VPS50: variants seen among roughly 807,000 people sequenced by gnomAD.
VPS50 encodes syndetin.
In VPS50, 70 loss-of-function variants were observed where a neutral mutation model predicts 139.7. The observed-to-expected ratio is 0.50, with a 90% CI of 0.41 to 0.61. VPS50 has a LOEUF of 0.61. VPS50 is among the 20% of genes least tolerant of loss of function. The pLI is 0.00. For synonymous variants in VPS50, 365 were observed against 376.7 expected, an observed-to-expected ratio of 0.97 and a Z score of 0.36; for missense variants, 921 against 1,133.7, an observed-to-expected ratio of 0.81 and a Z score of 2.69.
chr7:93,315,875 T>C (rs1294824734), intron 20 of VPS50, among the ~76,000 whole-genome samples: 9 of 151,708 alleles, frequency 5.9e-5, no homozygotes, highest in Non-Finnish European at 1.3e-4. Flanking sequence ...TGTTTCTGGC[T>C]AGCTGTTGGA....
At chr7:93,315,357 A>G (rs1797395139) in intron 20 of VPS50, among the ~76,000 whole-genome samples, 1 of 152,222 alleles carries the variant, frequency 6.6e-6, no homozygotes, top group Non-Finnish European at 1.5e-5. Context: ...CACAGCAAGT[A>G]TCCTTGAAGA....
At chr7:93,338,160 A>C (rs974416393) in intron 22 of VPS50, among the ~76,000 whole-genome samples, 5 of 152,186 alleles carry the variant, frequency 3.3e-5, no homozygotes, top group Admixed American at 6.5e-5. Flanking sequence ...TATTGGAAGC[A>C]GACAGAAAAC....
chr7:93,311,210 G>C lies in VPS50; in HGVS notation c.1793G>C (p.Ser598Thr), dbSNP rs1211263429. ...AAAAGCAGGAAGAAATCAGATTACA[G>C]TCTAAATAAAGTGAATGCACCTATC... is the stretch of plus-strand genomic sequence containing the variant. Reference protein sequence around the residue: ...TLKSRKKSDYSLNKVNAPILT... With the variant: ...TLKSRKKSDYTLNKVNAPILT... The change falls in exon 20 of 28, where the codon AGT becomes ACT. Residue 598 changes from serine to threonine, a missense_variant. This residue lies in a region of VPS50 where 744 missense variants were observed against 930.6 expected (regional missense o/e 0.80). Transcript: ENST00000305866. The C allele has an allele frequency of 7.0e-7, 1 of 1,438,552 alleles. No homozygotes were observed. Among genetic ancestry groups the C allele is most frequent in the Non-Finnish European group, 9.8e-7 (1 of 1,020,564 alleles). 89.1% of individuals were successfully genotyped at this position (1,438,552 alleles called of 1,614,324 possible).
At chr7:93,356,176 A>C (rs1489574460) in intron 27 of VPS50, 96 bp downstream of exon 27, 1 of 612,218 alleles carries the variant, frequency 1.6e-6, no homozygotes, top group Non-Finnish European at 2.7e-6. Context: ...TGAGAGTGAA[A>C]TATAAAGAAA....
chr7:93,330,755 C>A lies in VPS50; in HGVS notation c.1978-3362C>A, dbSNP rs1231463385. 2.3e-4 allele frequency among the ~76,000 whole-genome samples: 14 copies of A among 60,638 alleles called. No individual in the cohort carries two copies. In the Admixed American group the frequency reaches 4.3e-3, roughly 18 times the overall value. The allele number at this position is 60,638 out of a possible 152,430, so 39.8% of individuals were successfully genotyped here. A position where few individuals can be genotyped will look rare whatever the true frequency, so the allele number is the denominator to read the frequency against. On this transcript the variant is annotated intron_variant, in intron 21 of 27. Transcript: ENST00000305866. ...GGCAACTGGGCAACAGAGCGAGACC[C>A]TGTCTCAAAAAAAAAAAAAAAAAAA...
intron 9 of VPS50, among the ~76,000 whole-genome samples, chr7:93,260,421 T>C (rs922594457): frequency 2.0e-5 from 3 of 152,188 alleles, no homozygotes; most frequent in Non-Finnish European, 4.4e-5. Context: ...TTGTCTCTCC[T>C]ATATGGAAAT....
chr7:93,296,887 A>T (rs1796826875), intron 15 of VPS50, 51 bp downstream of exon 15: 4 of 1,534,802 alleles, frequency 2.6e-6, no homozygotes, highest in Middle Eastern at 2.3e-4. Flanking sequence ...TTCAACCATG[A>T]TAAATCATGA....
chr7:93,246,628 T>G (rs571822949), intron 2 of VPS50, among the ~76,000 whole-genome samples: 1 of 152,036 alleles, frequency 6.6e-6, no homozygotes, highest in South Asian at 2.1e-4. Flanking sequence ...TAAGGAAAAC[T>G]GTTAAGCTGT....
chr7:93,292,213 T>G (rs1307835415), intron 13 of VPS50, among the ~76,000 whole-genome samples: 1 of 152,106 alleles, frequency 6.6e-6, no homozygotes, highest in Admixed American at 6.6e-5. Context: ...TAGCCAATTT[T>G]CAAGTTACAG....
chr7:93,285,736 G>C (rs559325925), intron 12 of VPS50, among the ~76,000 whole-genome samples: 33 of 152,288 alleles, frequency 2.2e-4, no homozygotes, highest in African/African-American at 7.7e-4. Context: ...ACTGTGAACT[G>C]ACAGTGATAA....
chr7:93,355,895 G>T lies in VPS50; in HGVS notation c.2590G>T (p.Ala864Ser). The stretch of plus-strand genomic sequence containing the variant: ...TTTTATTGTTTTGCATCTTAGATAT[G>T]CCAATGTCAAGAAATGCAGTAATGA... Reference protein sequence around the residue: ...LANRTIVEGYANVKKCSNEGR... With the variant: ...LANRTIVEGYSNVKKCSNEGR... Residue 864 changes from alanine (A) to serine (S), a missense_variant, in exon 27 of 28, where the codon GCC becomes TCC. Physicochemically the swap from Ala to Ser is moderately conservative, Grantham distance 99. This residue lies in a region of VPS50 where 158 missense variants were observed against 156.3 expected (regional missense o/e 1.01). Transcript: ENST00000305866. 5.8e-6 allele frequency: 9 copies of T among 1,554,258 alleles called. No homozygotes were observed. The highest frequency in any genetic ancestry group is 1.8e-5 in the Admixed American group (1 of 56,848).
rs566057813 is a variant in VPS50, at chr7:93,360,633, C to T, written c.*2197C>T. 1.5e-4 allele frequency: 23 copies of T among 151,992 alleles called. No individual in the cohort carries two copies. Among genetic ancestry groups the T allele is most frequent in the African/African-American group, 5.1e-4 (21 of 41,498 alleles). The allele number at this position is 151,992 out of a possible 1,614,324, so 9.4% of individuals were successfully genotyped here. On this transcript the variant is annotated 3_prime_UTR_variant, in exon 28 of 28. Coordinates refer to ENST00000305866, the MANE Select transcript of VPS50 (RefSeq NM_017667.4). Reference sequence around the variant, plus strand: ...AGCTGAGAATGTAAATGGAATTATACGTGTTCCAAAAACTATCATTACCAA... The same window carrying T: ...AGCTGAGAATGTAAATGGAATTATATGTGTTCCAAAAACTATCATTACCAA...
chr7:93,305,743 C>G (rs1292175176), intron 17 of VPS50, 85 bp from the exon 18 acceptor site: 9 of 917,548 alleles, frequency 9.8e-6, no homozygotes, highest in Non-Finnish European at 1.6e-5. Flanking sequence ...TTTCTACTAA[C>G]TCTACATGTA....
chr7:93,281,124 C>T (rs908429876), intron 12 of VPS50, among the ~76,000 whole-genome samples: 19 of 152,108 alleles, frequency 1.2e-4, no homozygotes, highest in African/African-American at 4.6e-4. Flanking sequence ...AGAAAACCAA[C>T]ACTGAGCACC....
At chr7:93,306,035 T>G (rs975014544) in intron 18 of VPS50, 31 bp downstream of exon 18, 1 of 1,537,800 alleles carries the variant, frequency 6.5e-7, no homozygotes, top group Non-Finnish European at 9.0e-7. Flanking sequence ...ATAAGTGAGT[T>G]TTTTTTATTT....
intron 9 of VPS50, among the ~76,000 whole-genome samples, chr7:93,267,599 G>A (rs575725232): frequency 1.3e-5 from 2 of 152,222 alleles, no homozygotes; most frequent in South Asian, 4.1e-4. Flanking sequence ...CACAGCCACA[G>A]GTATTCCTTA....
intron 23 of VPS50, among the ~76,000 whole-genome samples, chr7:93,346,380 A>G (rs1464364106): frequency 6.6e-6 from 1 of 152,188 alleles, no homozygotes; most frequent in Non-Finnish European, 1.5e-5. Context: ...AATCAATATA[A>G]TGAAAATGGC....
intron 9 of VPS50, among the ~76,000 whole-genome samples, chr7:93,266,571 T>C (rs1795849343): frequency 6.6e-6 from 1 of 152,240 alleles, no homozygotes; most frequent in Non-Finnish European, 1.5e-5. Flanking sequence ...TTATTCCTAA[T>C]ATTTCCTGTA....
chr7:93,299,312 A>G (rs183413543), intron 16 of VPS50, among the ~76,000 whole-genome samples: 1 of 152,334 alleles, frequency 6.6e-6, no homozygotes, highest in African/African-American at 2.4e-5. Flanking sequence ...CATACATTGA[A>G]TTGACTAAAG....
Sources: gnomAD v4.1 joint callset for allele counts (sites outside exome capture counted in the v4.1 genomes callset) on GRCh38, gnomAD v4.1.1 for gene constraint, gnomAD v4.1.1 regional missense constraint, MANE v1.5 for transcripts, NCBI Gene and HGNC (gene_info 2026-07-23, HGNC 2026-07-21) for gene names.